Variants in CDH7 observed in about 807,000 individuals in gnomAD.
The protein encoded by CDH7 is cadherin 7, also known as cadherin-7.
CDH7 carries 25 observed loss-of-function variants against 71.8 expected under a neutral mutation model. That is an observed-to-expected ratio of 0.35 (90% CI 0.25 to 0.49). CDH7 has a LOEUF of 0.49. CDH7 is among the 20% of genes least tolerant of loss of function. The pLI, the probability that CDH7 is intolerant of heterozygous loss-of-function variation, is 0.99. For missense variants in CDH7, 862 were observed against 974.6 expected (o/e 0.88, Z 1.54); for synonymous variants, 381 against 363.8 (o/e 1.05, Z -0.54).
rs562220521 is a variant in CDH7 at position 65,760,218 on chromosome 18, C to T, written c.-196-2429C>T. 3.1e-4 allele frequency among the ~76,000 whole-genome samples: 47 copies of T among 152,206 alleles called. 1 individual carries two copies. The highest frequency in any genetic ancestry group is 1.1e-3 in the African/African-American group (46 of 41,530). Reference sequence around the variant, plus strand: ...TCATCTCATGATTTGCTCATTTAATCCTATGAAGTAGATGCCATTATTATC... The same window carrying T: ...TCATCTCATGATTTGCTCATTTAATTCTATGAAGTAGATGCCATTATTATC... On this transcript the variant is annotated intron_variant, in intron 1 of 11. Coordinates refer to ENST00000397968, the MANE Select transcript of CDH7 (RefSeq NM_004361.5).
rs751378665 is a variant in CDH7, at chr18:65,857,888, T to A, written c.1308T>A (p.Thr436=). The change falls in exon 8 of 12, where the codon ACT becomes ACA. Residue 436 remains threonine, a synonymous_variant. Transcript: ENST00000397968. ...ATGCCAACAGTGGGGTCATCACAAC[T>A]GCCAAGTCTTTGGATCGAGAGACAA... ...NIDANSGVIT[T]AKSLDRETNA... is the part of the protein sequence containing the mutation. 2 of 1,613,684 alleles carry A rather than the reference T, an allele frequency of 1.2e-6. No homozygotes were observed. Among genetic ancestry groups the A allele is most frequent in the South Asian group, 2.2e-5 (2 of 91,070 alleles).
At chr18:65,814,361 G>T in intron 3 of CDH7, 124 bp from the exon 4 acceptor site, 1 of 1,040,968 alleles carries the variant, frequency 9.6e-7, no homozygotes, top group South Asian at 1.3e-5. Flanking sequence ...TTTTTTATGT[G>T]TCTTGAAAAA....
intron 2 of CDH7, among the ~76,000 whole-genome samples, chr18:65,794,229 C>G (rs1463620918): frequency 6.6e-6 from 1 of 151,394 alleles, no homozygotes; most frequent in Admixed American, 6.6e-5. Flanking sequence ...GTCAATGAGA[C>G]CATACCATTG....
intron 1 of CDH7, among the ~76,000 whole-genome samples, chr18:65,752,396 C>A (rs1214917139): frequency 6.6e-6 from 1 of 152,070 alleles, no homozygotes; most frequent in Non-Finnish European, 1.5e-5. Context: ...GACACAATAT[C>A]TAAATAGTTT....
chr18:65,819,582 A>C (rs1487540900), intron 4 of CDH7, among the ~76,000 whole-genome samples: 1 of 152,120 alleles, frequency 6.6e-6, no homozygotes, highest in East Asian at 1.9e-4. Context: ...GAATTCTTAG[A>C]ATAGCTACAG....
intron 2 of CDH7, among the ~76,000 whole-genome samples, chr18:65,791,065 G>A (rs79166248): frequency 0.034 from 5,134 of 152,216 alleles, 281 homozygotes; most frequent in African/African-American, 0.12. Context: ...TAAAGATTTC[G>A]TGAATATTTT....
At position 65,824,842 on chromosome 18, in the gene CDH7, C is replaced by G. The variant is rs765041563; in HGVS notation, c.981+11C>G. 6.5e-7 allele frequency: 1 copy of G among 1,544,934 alleles called. No individual in the cohort carries two copies. The highest frequency in any genetic ancestry group is 1.4e-5 in the African/African-American group (1 of 72,458). ...ATTACTATACAGAAGGTAATGTTTT[C>G]TTTATTTATCTTTTATCACAGATTA... On this transcript the variant is annotated intron_variant, in intron 6 of 11. Coordinates refer to ENST00000397968, the MANE Select transcript of CDH7 (RefSeq NM_004361.5).
rs1405744727 is a variant in CDH7, at chr18:65,762,100, A to T, written c.-196-547A>T. ...ACCACAATCAAATCAGAACACATCA[A>T]AACAGCTGGTGTTCTGTGACTCAGA... is the stretch of plus-strand genomic sequence containing the variant. On this transcript the variant is annotated intron_variant, in intron 1 of 11. Coordinates refer to ENST00000397968, the MANE Select transcript of CDH7 (RefSeq NM_004361.5). 2.0e-5 allele frequency among the ~76,000 whole-genome samples: 3 copies of T among 152,202 alleles called. No homozygotes were observed. The East Asian group carries it at 5.8e-4, about 29-fold the overall frequency.
intron 11 of CDH7, among the ~76,000 whole-genome samples, chr18:65,876,421 C>T (rs563435765): frequency 6.6e-6 from 1 of 152,258 alleles, no homozygotes; most frequent in Non-Finnish European, 1.5e-5. Context: ...TTATATCATG[C>T]AGGCCTTAAA....
chr18:65,784,763 G>A (rs1910451432), intron 2 of CDH7, among the ~76,000 whole-genome samples: 1 of 152,082 alleles, frequency 6.6e-6, no homozygotes, highest in South Asian at 2.1e-4. Flanking sequence ...CTAAGCTTTT[G>A]ATTTTTGCCA....
At chr18:65,843,638 G>A (rs1599044552) in intron 6 of CDH7, among the ~76,000 whole-genome samples, 174 bp from the exon 7 acceptor site, 1 of 152,228 alleles carries the variant, frequency 6.6e-6, no homozygotes, top group East Asian at 1.9e-4. Flanking sequence ...TTGTTTGTGA[G>A]CCAGGAAAGC....
chr18:65,799,152 G>T (rs1286874657), intron 2 of CDH7, among the ~76,000 whole-genome samples: 2 of 152,034 alleles, frequency 1.3e-5, no homozygotes, highest in Non-Finnish European at 2.9e-5. Context: ...ACACTCTAGT[G>T]CCCAGATACT....
intron 2 of CDH7, among the ~76,000 whole-genome samples, chr18:65,784,290 T>G (rs1227491310): frequency 6.6e-6 from 1 of 151,912 alleles, no homozygotes; most frequent in Non-Finnish European, 1.5e-5. Context: ...TCACCTGAAG[T>G]GATATTTTTA....
chr18:65,841,211 G>A (rs1912720574), intron 6 of CDH7, among the ~76,000 whole-genome samples: 1 of 152,082 alleles, frequency 6.6e-6, no homozygotes, highest in Non-Finnish European at 1.5e-5. Context: ...ATAATAGTGT[G>A]TTTTTTCATG....
At chr18:65,801,003 C>T (rs1326440104) in intron 2 of CDH7, among the ~76,000 whole-genome samples, 3 of 152,104 alleles carry the variant, frequency 2.0e-5, no homozygotes, top group Non-Finnish European at 4.4e-5. Context: ...GGTTTTCCTG[C>T]CATATGATTT....
intron 11 of CDH7, among the ~76,000 whole-genome samples, chr18:65,878,531 C>T (rs918109026): frequency 6.6e-6 from 1 of 152,092 alleles, no homozygotes; most frequent in African/African-American, 2.4e-5. Flanking sequence ...GGTGAAAGTG[C>T]TAATTCTCAG....
chr18:65,784,039 C>T (rs1195789160), intron 2 of CDH7, among the ~76,000 whole-genome samples: 4 of 150,272 alleles, frequency 2.7e-5, no homozygotes, highest in Non-Finnish European at 5.9e-5. Flanking sequence ...ACAACTTCCA[C>T]CTTCCTGGCT....
intron 11 of CDH7, among the ~76,000 whole-genome samples, chr18:65,874,768 G>C (rs1421177009): frequency 6.6e-6 from 1 of 151,648 alleles, no homozygotes; most frequent in African/African-American, 2.4e-5. Context: ...TGTATATATA[G>C]ATATGTGGCC....
chr18:65,782,002 C>A (rs1910277435), intron 2 of CDH7, among the ~76,000 whole-genome samples: 1 of 85,090 alleles, frequency 1.2e-5, no homozygotes, highest in African/African-American at 8.7e-5. Context: ...CTCTTTCTCT[C>A]TTTCTCTCTT....
Sources: allele counts gnomAD v4.1 joint callset (sites outside exome capture counted in the v4.1 genomes callset), GRCh38; gene constraint gnomAD v4.1.1; transcripts MANE v1.5; gene names NCBI Gene and HGNC (gene_info 2026-07-23, HGNC 2026-07-21).